TEDC1: variants seen among roughly 807,000 people sequenced by gnomAD.
The protein encoded by TEDC1 is tubulin epsilon and delta complex protein 1.
In TEDC1, 54 loss-of-function variants were observed where a neutral mutation model predicts 59.9. That is an observed-to-expected ratio of 0.90 (90% CI 0.72 to 1.13). The LOEUF is 1.13. TEDC1 is among the 50% of genes most tolerant of loss of function. The pLI is 0.00. For missense variants in TEDC1, 734 were observed against 683.4 expected (o/e 1.07, Z -0.83); for synonymous variants, 353 against 298.1 (o/e 1.18, Z -1.90).
In TEDC1 at chr14:105,491,535, C is replaced by T. The variant is rs587678565; in HGVS notation, c.147+13C>T. On this transcript the variant is annotated intron_variant, in intron 1 of 8. Coordinates refer to ENST00000392523, the MANE Select transcript of TEDC1 (RefSeq NM_001367178.1). ...CCGTCCGGAGGCGGTGACGCTCTCG[C>T]GGAGGGCAGGCGGGCCGGGTGGGGT... 6.6e-7 allele frequency: 1 copy of T among 1,525,866 alleles called. No homozygotes were observed. The highest frequency in any genetic ancestry group is 1.4e-5 in the African/African-American group (1 of 72,394). 94.5% of individuals were successfully genotyped at this position (1,525,866 alleles called of 1,614,324 possible). A position where few individuals can be genotyped will look rare whatever the true frequency, so the allele number is the denominator to read the frequency against.
chr14:105,491,799 A>T (rs1176718567), intron 2 of TEDC1, 99 bp downstream of exon 2: 1 of 1,340,246 alleles, frequency 7.5e-7, no homozygotes, highest in Non-Finnish European at 1.0e-6. Context: ...GGCAGGCTCT[A>T]GCCCCCACCC....
At chr14:105,490,827 C>T (rs369940699), upstream of TEDC1, 142 of 625,698 alleles carry the variant, frequency 2.3e-4, 1 homozygote, top group African/African-American at 2.3e-3. Flanking sequence ...CCCCACAGGG[C>T]GCCTTCCGGA....
chr14:105,496,330 C>T, intron 6 of TEDC1: 1 of 531,812 alleles, frequency 1.9e-6, no homozygotes, highest in East Asian at 3.3e-5. Context: ...CCGGCACCAG[C>T]CTGCTCCAGC....
Position 105,493,884 on chromosome 14 carries a change from T to C in TEDC1, c.635T>C (p.Leu212Pro), listed in dbSNP as rs1301880627. 5 of 1,603,792 alleles carry C rather than the reference T, an allele frequency of 3.1e-6. No individual in the cohort carries two copies. The East Asian group carries it at 6.7e-5, about 21-fold the overall frequency. ...CACAGCGACCAGAGCCTTAGCCATCTGTCTGTCACTGAAGCAGAGATGCTC... is the reference window on the plus strand; with the variant it reads ...CACAGCGACCAGAGCCTTAGCCATCCGTCTGTCACTGAAGCAGAGATGCTC... Reference protein sequence around the residue: ...GCHSDQSLSHLSVTEAEMLRD... With the variant: ...GCHSDQSLSHPSVTEAEMLRD... The change falls in exon 5 of 9, where the codon CTG becomes CCG. Residue 212 changes from leucine (L) to proline (P), a missense_variant. Transcript: ENST00000392523.
In TEDC1 at chr14:105,496,052, C is replaced by T; in HGVS notation, c.857C>T (p.Ala286Val). ...DWAAPLDPGGASACSLLSPFR... is the reference protein window; with the variant it reads ...DWAAPLDPGGVSACSLLSPFR... ...GCAGCACCCTTGGATCCTGGTGGGGCCTCAGCCTGCAGCCTGCTCTCCCCT... is the reference window on the plus strand; with the variant it reads ...GCAGCACCCTTGGATCCTGGTGGGGTCTCAGCCTGCAGCCTGCTCTCCCCT... Residue 286 changes from alanine to valine, a missense_variant, in exon 6 of 9, where the codon GCC (alanine) becomes GTC (valine). Transcript: ENST00000392523. The T allele has an allele frequency of 6.5e-7, 1 of 1,548,922 alleles. No homozygotes were observed. Among genetic ancestry groups the T allele is most frequent in the Non-Finnish European group, 8.7e-7 (1 of 1,146,426 alleles).
chr14:105,495,763 G>A (rs1474210219), intron 5 of TEDC1, 117 bp from the exon 6 acceptor site: 1 of 875,792 alleles, frequency 1.1e-6, no homozygotes, highest in African/African-American at 1.7e-5. Context: ...CAGTGCCTCT[G>A]TGGGACCACC....
chr14:105,491,088 G>A (rs587698131), upstream of TEDC1: 122 of 1,551,490 alleles, frequency 7.9e-5, 2 homozygotes, highest in South Asian at 1.3e-3. Context: ...CCCTGCCGAC[G>A]CAGTGATTGG....
upstream of TEDC1, chr14:105,491,001 T>C (rs1489394976): frequency 1.3e-6 from 2 of 1,545,080 alleles, no homozygotes; most frequent in African/African-American, 2.7e-5. Flanking sequence ...AGCCCGGAAG[T>C]GGGTCCGCAC....
At chr14:105,494,084 C>A in intron 5 of TEDC1, 151 bp downstream of exon 5, 1 of 654,834 alleles carries the variant, frequency 1.5e-6, no homozygotes, top group Non-Finnish European at 2.7e-6. Context: ...TCATTGCCAG[C>A]CTGGGTGACA....
chr14:105,494,774 C>T (rs1472581679), intron 5 of TEDC1: 1 of 152,442 alleles, frequency 6.6e-6, no homozygotes, highest in Non-Finnish European at 1.5e-5. Context: ...CCTCATCCTT[C>T]TTTCTGGGGG....
chr14:105,497,797 G>A lies in TEDC1; in HGVS notation c.979-1G>A. 6.4e-7 allele frequency: 1 copy of A among 1,552,906 alleles called. No individual in the cohort carries two copies. The highest frequency in any genetic ancestry group is 8.7e-7 in the Non-Finnish European group (1 of 1,147,510). Reference sequence around the variant, plus strand: ...ACGCTGTCTCACTTGGGTCTCTGTAGGACACGGTCCTGGGCACCTGTGCCC... The same window carrying A: ...ACGCTGTCTCACTTGGGTCTCTGTAAGACACGGTCCTGGGCACCTGTGCCC... On this transcript the variant is annotated splice_acceptor_variant, in intron 7 of 8. Transcript: ENST00000392523. LOFTEE classifies it high-confidence loss of function.
rs782701617 is a variant in TEDC1, at chr14:105,492,317, T to A, written c.429+8T>A. ...GAGATGACTGTGTGCCAGGTGCGTG[T>A]GGGTGAGGGTGAGCTGAGCCAGCCC... On this transcript the variant is annotated splice_region_variant and intron_variant, in intron 3 of 8. Coordinates refer to ENST00000392523, the MANE Select transcript of TEDC1 (RefSeq NM_001367178.1). 1 of 1,600,290 alleles carries A rather than the reference T, an allele frequency of 6.2e-7. No homozygotes were observed. The highest frequency in any genetic ancestry group is 8.5e-7 in the Non-Finnish European group (1 of 1,179,332).
Position 105,492,605 on chromosome 14 carries a change from A to C in TEDC1, c.456A>C (p.Pro152=). ...GTGAGGCCCTGGCCAGCCCTGGCCC[A>C]CCTGCACCCCACATGGAAGCAGAGG... The part of the protein sequence containing the change: ...CQCEALASPG[P]PAPHMEAEGP... The change falls in exon 4 of 9, where the codon CCA becomes CCC. Residue 152 remains proline, a synonymous_variant. Coordinates refer to ENST00000392523, the MANE Select transcript of TEDC1 (RefSeq NM_001367178.1). 1 of 1,540,910 alleles carries C rather than the reference A, an allele frequency of 6.5e-7. No homozygotes were observed. Among genetic ancestry groups the C allele is most frequent in the African/African-American group, 1.4e-5 (1 of 73,144 alleles).
At chr14:105,491,543 A>G in intron 1 of TEDC1, 21 bp downstream of exon 1, 2 of 1,528,860 alleles carry the variant, frequency 1.3e-6, no homozygotes, top group Non-Finnish European at 1.8e-6. Context: ...CGCGGAGGGC[A>G]GGCGGGCCGG....
rs1224510812 is a variant in TEDC1 at position 105,495,836 on chromosome 14, G to A, written c.685-44G>A. On this transcript the variant is annotated intron_variant, in intron 5 of 8. Transcript: ENST00000392523. ...CGCCCTCTCCCCGAAGCTGTGTGCG[G>A]CACTGGCCAGGTGGACTGGGGCCAT... 10 of 1,453,224 alleles carry A rather than the reference G, an allele frequency of 6.9e-6. No homozygotes were observed. In the East Asian group the frequency reaches 1.2e-4, roughly 18 times the overall value. 90.0% of individuals were successfully genotyped at this position (1,453,224 alleles called of 1,614,324 possible). A position where few individuals can be genotyped will look rare whatever the true frequency, so the allele number is the denominator to read the frequency against.
Position 105,498,897 on chromosome 14 carries a change from TG to T in TEDC1, c.1441del (p.Val481TrpfsTer66). ...QGQCRQELAR[L>X]VGARPGLIWI... ...CAGTGTCGGCAGGAACTGGCCAGGC[TG>T]GTGGGAGCCCGCCCTGGTCTCATCT... On this transcript the variant is annotated frameshift_variant, in exon 9 of 9. Coordinates refer to ENST00000392523, the MANE Select transcript of TEDC1 (RefSeq NM_001367178.1). LOFTEE classifies it high-confidence loss of function. 1 of 1,611,538 alleles carries T rather than the reference TG, an allele frequency of 6.2e-7. No homozygotes were observed.
At position 105,498,806 on chromosome 14, in the gene TEDC1, G is replaced by A. The variant is rs376423697; in HGVS notation, c.1348G>A (p.Val450Met). ...AAGDRDLRAA[V>M]VIRTLRSQEA... ...AGGGGACCGGGACCTGCGGGCAGCT[G>A]TGGTGATCAGGACGCTGAGGAGCCA... Residue 450 changes from valine (V) to methionine (M), a missense_variant, in exon 9 of 9, where the codon GTG becomes ATG. Transcript: ENST00000392523. The A allele has an allele frequency of 1.1e-5, 18 of 1,596,654 alleles. No homozygotes were observed. The African/African-American group carries it at 2.4e-4, about 21-fold the overall frequency.
At chr14:105,490,867 G>C (rs1555439068), upstream of TEDC1, 6 of 747,286 alleles carry the variant, frequency 8.0e-6, no homozygotes, top group Admixed American at 1.4e-4. Context: ...GCGGTTGCTA[G>C]GTTGCCAAGG....
At chr14:105,494,350 T>C (rs1417037969) in intron 5 of TEDC1, 2 of 259,176 alleles carry the variant, frequency 7.7e-6, no homozygotes, top group African/African-American at 4.6e-5. Context: ...GGTGAAGGGT[T>C]GGGCACAGGG....
Sources: gnomAD v4.1 joint callset for allele counts on GRCh38, gnomAD v4.1.1 for gene constraint, MANE v1.5 for transcripts, NCBI Gene and HGNC (gene_info 2026-07-23, HGNC 2026-07-21) for gene names.